Variants in VKORC1L1 observed in about 807,000 individuals in gnomAD.
VKORC1L1 encodes vitamin K epoxide reductase complex subunit 1-like protein 1.
Under a neutral mutation model 18.9 loss-of-function variants are expected in VKORC1L1, and 2 were observed. The ratio of observed to expected loss-of-function variants is 0.11; its 90% CI spans 0.04 to 0.33. The LOEUF (loss-of-function observed/expected upper bound fraction) is 0.33. Among genes scored for constraint, VKORC1L1 ranks in the 10% least tolerant of loss-of-function variants. The pLI is 1.00. For missense variants in VKORC1L1, 123 were observed against 224.1 expected (o/e 0.55, Z 2.88); for synonymous variants, 96 against 100.0 (o/e 0.96, Z 0.24).
chr7:65,879,136 A>G (rs1302679159), intron 1 of VKORC1L1, among the ~76,000 whole-genome samples: 75 of 152,170 alleles, frequency 4.9e-4, no homozygotes, highest in Non-Finnish European at 8.8e-4. Flanking sequence ...TCACGTATGC[A>G]TCCTTATTGA....
chr7:65,938,746 T>C (rs1789987210), intron 1 of VKORC1L1, among the ~76,000 whole-genome samples: 1 of 152,212 alleles, frequency 6.6e-6, no homozygotes, highest in African/African-American at 2.4e-5. Context: ...ACTGTGGGCA[T>C]GTCTAAACCA....
chr7:65,880,978 A>G (rs1266058113), intron 1 of VKORC1L1, among the ~76,000 whole-genome samples: 1 of 152,176 alleles, frequency 6.6e-6, no homozygotes, highest in Non-Finnish European at 1.5e-5. Flanking sequence ...GTTGAGTGTC[A>G]TTGGCACTCA....
intron 1 of VKORC1L1, among the ~76,000 whole-genome samples, chr7:65,918,212 A>G (rs34933526): frequency 0.12 from 18,909 of 152,272 alleles, 1,329 homozygotes; most frequent in Middle Eastern, 0.21. Context: ...ATGGAATCAA[A>G]CATTGTATAC....
chr7:65,925,119 C>A (rs1789739997), intron 1 of VKORC1L1, among the ~76,000 whole-genome samples: 1 of 152,170 alleles, frequency 6.6e-6, no homozygotes, highest in Non-Finnish European at 1.5e-5. Context: ...CATCTAGAAA[C>A]CTTCAGGTTT....
At chr7:65,948,282 C>A (rs1790155042) in intron 1 of VKORC1L1, among the ~76,000 whole-genome samples, 1 of 151,142 alleles carries the variant, frequency 6.6e-6, no homozygotes, top group Admixed American at 6.6e-5. Context: ...AATTATCTAG[C>A]CCAAAATGTC....
intron 1 of VKORC1L1, among the ~76,000 whole-genome samples, chr7:65,914,179 G>A (rs1318649402): frequency 6.6e-6 from 1 of 152,082 alleles, no homozygotes; most frequent in Admixed American, 6.6e-5. Context: ...GTGCAGTGGT[G>A]CAATCCTGGG....
rs779499797 is a variant in VKORC1L1, at chr7:65,948,765, C to T, written c.289C>T (p.Leu97=). ...NSVFGLIFYI[L]QLLLGMTASA... ...TGTCTTTGGACTTATATTTTATATA[C>T]TACAGTTATTACTTGGTAAGTATTT... The change falls in exon 2 of 3, where the codon CTA becomes TTA. Residue 97 remains leucine (L), a synonymous_variant. Coordinates refer to ENST00000360768, the MANE Select transcript of VKORC1L1 (RefSeq NM_173517.6). 1.0e-6 allele frequency: 1 copy of T among 966,486 alleles called. No individual in the cohort carries two copies. The highest frequency in any genetic ancestry group is 1.5e-6 in the Non-Finnish European group (1 of 652,928). 59.9% of individuals were successfully genotyped at this position (966,486 alleles called of 1,614,324 possible). A position where few individuals can be genotyped will look rare whatever the true frequency, so the allele number is the denominator to read the frequency against.
At chr7:65,905,755 G>A (rs1007745789) in intron 1 of VKORC1L1, among the ~76,000 whole-genome samples, 5 of 152,122 alleles carry the variant, frequency 3.3e-5, no homozygotes, top group South Asian at 2.1e-4. Context: ...CACTACAGAT[G>A]TATGGAAGTG....
At chr7:65,953,104 C>T in intron 2 of VKORC1L1, among the ~76,000 whole-genome samples, 1 of 152,064 alleles carries the variant, frequency 6.6e-6, no homozygotes, top group East Asian at 1.9e-4. Context: ...GCTTCAGGTG[C>T]CTTTTTGTAT....
intron 1 of VKORC1L1, among the ~76,000 whole-genome samples, chr7:65,915,709 G>A (rs1215655463): frequency 1.3e-5 from 2 of 151,790 alleles, no homozygotes; most frequent in African/African-American, 4.8e-5. Context: ...GGCATGATTG[G>A]GGGTGAGGCT....
chr7:65,914,528 T>C (rs1473724731), intron 1 of VKORC1L1, among the ~76,000 whole-genome samples: 1 of 152,192 alleles, frequency 6.6e-6, no homozygotes, highest in Non-Finnish European at 1.5e-5. Flanking sequence ...AACTCACCTC[T>C]TCCAGCACTG....
intron 2 of VKORC1L1, among the ~76,000 whole-genome samples, chr7:65,952,778 C>CTTTTTT (rs11395208): frequency 2.5e-4 from 22 of 86,612 alleles, no homozygotes; most frequent in Non-Finnish European, 3.9e-4. Context: ...TTTTTTTTTC[C>CTTTTTT]TTTTTTTTTT....
intron 1 of VKORC1L1, among the ~76,000 whole-genome samples, chr7:65,877,673 G>T (rs1479968380): frequency 2.6e-5 from 4 of 152,066 alleles, no homozygotes; most frequent in Admixed American, 2.6e-4. Flanking sequence ...TTCTATGTAG[G>T]TATTTTCTAT....
intron 2 of VKORC1L1, among the ~76,000 whole-genome samples, chr7:65,951,574 G>GAA (rs60415673): frequency 2.3e-3 from 328 of 145,662 alleles, no homozygotes; most frequent in African/African-American, 7.7e-3. Flanking sequence ...ACTCCTTCAG[G>GAA]AAAAAAAAAA....
At chr7:65,932,735 TTTG>T (rs1335196722) in intron 1 of VKORC1L1, among the ~76,000 whole-genome samples, 1 of 152,202 alleles carries the variant, frequency 6.6e-6, no homozygotes. Flanking sequence ...ATGTTTATGT[TTTG>T]TTTACGATGT....
chr7:65,945,032 G>A (rs116143593), intron 1 of VKORC1L1, among the ~76,000 whole-genome samples: 1,729 of 152,172 alleles, frequency 0.011, 35 homozygotes, highest in African/African-American at 0.038. Context: ...AGGCCAAGGC[G>A]TACGGATGAC....
chr7:65,895,998 C>T (rs1228033510), intron 1 of VKORC1L1, among the ~76,000 whole-genome samples: 1 of 147,504 alleles, frequency 6.8e-6, no homozygotes, highest in Non-Finnish European at 1.5e-5. Flanking sequence ...CGGGTTCAAG[C>T]GATTCTCCTG....
At chr7:65,932,083 A>T (rs1349517071) in intron 1 of VKORC1L1, among the ~76,000 whole-genome samples, 1 of 151,284 alleles carries the variant, frequency 6.6e-6, no homozygotes, top group Admixed American at 6.6e-5. Flanking sequence ...TTAGATCTAA[A>T]TTGTTCTTTG....
intron 1 of VKORC1L1, among the ~76,000 whole-genome samples, chr7:65,881,503 G>A (rs1276245343): frequency 6.6e-6 from 1 of 152,168 alleles, no homozygotes; most frequent in Non-Finnish European, 1.5e-5. Flanking sequence ...TGGGAGGTGA[G>A]GGGTGGTGTG....
Sources: allele counts gnomAD v4.1 joint callset (sites outside exome capture counted in the v4.1 genomes callset), GRCh38; gene constraint gnomAD v4.1.1; transcripts MANE v1.5; gene names NCBI Gene and HGNC (gene_info 2026-07-23, HGNC 2026-07-21).